HS6ST3: variants seen among roughly 807,000 people sequenced by gnomAD.
The protein encoded by HS6ST3 is heparan sulfate 6-O-sulfotransferase 3, also known as heparan-sulfate 6-O-sulfotransferase 3.
Under a neutral mutation model 36.7 loss-of-function variants are expected in HS6ST3, and 12 were observed. The observed-to-expected ratio is 0.33, with a 90% CI of 0.21 to 0.53. The LOEUF (loss-of-function observed/expected upper bound fraction) is 0.53, where lower values mean the gene tolerates loss of function less well. Among genes scored for constraint, HS6ST3 ranks in the 20% least tolerant of loss-of-function variants. The pLI is 0.95. For synonymous variants in HS6ST3, 240 were observed against 257.5 expected (o/e 0.93, Z 0.65); for missense variants, 584 against 640.9 (o/e 0.91, Z 0.96).
At chr13:96,617,189 T>G (rs575440406) in intron 1 of HS6ST3, among the ~76,000 whole-genome samples, 3 of 152,330 alleles carry the variant, frequency 2.0e-5, no homozygotes, top group African/African-American at 7.2e-5. Flanking sequence ...AAATACAGAA[T>G]GTAAGTATTG....
Position 96,091,266 on chromosome 13 carries a change from C to A in HS6ST3, c.404C>A (p.Thr135Asn). ...PRFNFSLKDL[T>N]RFVDFNIKGR... ...TTCAACTTCAGCCTGAAGGACCTGA[C>A]CCGCTTCGTGGATTTCAACATCAAA... Residue 135 changes from threonine to asparagine, a missense_variant, in exon 1 of 2, where the codon ACC (threonine) becomes AAC (asparagine). Transcript: ENST00000376705. 2 of 1,611,012 alleles carry A rather than the reference C, an allele frequency of 1.2e-6. No homozygotes were observed. Among genetic ancestry groups the A allele is most frequent in the Non-Finnish European group, 1.7e-6 (2 of 1,178,694 alleles).
intron 1 of HS6ST3, among the ~76,000 whole-genome samples, chr13:96,757,908 A>T (rs1290429948): frequency 6.6e-6 from 1 of 152,006 alleles, no homozygotes; most frequent in African/African-American, 2.4e-5. Context: ...AAAAATATTA[A>T]TTTGAATTTT....
At chr13:96,348,365 C>T (rs993301732) in intron 1 of HS6ST3, among the ~76,000 whole-genome samples, 11 of 152,176 alleles carry the variant, frequency 7.2e-5, no homozygotes, top group African/African-American at 2.4e-4. Flanking sequence ...ATTCACATAA[C>T]ACTGAAAGCT....
At chr13:96,640,378 T>A (rs1306288214) in intron 1 of HS6ST3, among the ~76,000 whole-genome samples, 1 of 151,904 alleles carries the variant, frequency 6.6e-6, no homozygotes, top group Non-Finnish European at 1.5e-5. Context: ...TGAGAAGTGT[T>A]TGCTCATGTC....
chr13:96,475,612 C>CA (rs1251970502), intron 1 of HS6ST3, among the ~76,000 whole-genome samples: 10,433 of 91,270 alleles, frequency 0.11, 703 homozygotes, highest in East Asian at 0.23. Context: ...GGAGTACTAC[C>CA]AAAAAAAAAA....
chr13:96,250,301 G>A (rs2054602156), intron 1 of HS6ST3, among the ~76,000 whole-genome samples: 1 of 152,182 alleles, frequency 6.6e-6, no homozygotes, highest in Non-Finnish European at 1.5e-5. Flanking sequence ...CAAAGGATAT[G>A]TTTGTTTTCT....
chr13:96,204,124 A>AT (rs2054357085), intron 1 of HS6ST3, among the ~76,000 whole-genome samples: 1 of 152,202 alleles, frequency 6.6e-6, no homozygotes, highest in Admixed American at 6.5e-5. Context: ...CAAATGTCAG[A>AT]TTAATATGTG....
chr13:96,379,140 G>T (rs551382865), intron 1 of HS6ST3, among the ~76,000 whole-genome samples: 3 of 152,264 alleles, frequency 2.0e-5, no homozygotes, highest in African/African-American at 7.2e-5. Context: ...CTTGGCAACA[G>T]ACTCTTTCAC....
intron 1 of HS6ST3, among the ~76,000 whole-genome samples, chr13:96,813,317 A>G (rs1878358350): frequency 6.6e-6 from 1 of 152,156 alleles, no homozygotes; most frequent in South Asian, 2.1e-4. Context: ...CTTGGACTGA[A>G]TGGAAGGGTA....
At chr13:96,127,882 T>C (rs562613387) in intron 1 of HS6ST3, among the ~76,000 whole-genome samples, 61 of 152,282 alleles carry the variant, frequency 4.0e-4, no homozygotes, top group African/African-American at 1.5e-3. Flanking sequence ...GCTTAAATAT[T>C]AGAATGTAGA....
chr13:96,132,109 A>G (rs1350199554), intron 1 of HS6ST3, among the ~76,000 whole-genome samples: 1 of 137,838 alleles, frequency 7.3e-6, no homozygotes, highest in Admixed American at 7.7e-5. Flanking sequence ...TTCAGACTGA[A>G]TAGTATTCCA....
At chr13:96,648,479 C>T (rs486968) in intron 1 of HS6ST3, among the ~76,000 whole-genome samples, 55,816 of 96,526 alleles carry the variant, frequency 0.58, 10,601 homozygotes, top group East Asian at 0.72. Flanking sequence ...GCACTTTCCA[C>T]TTTCTTTTTT....
At chr13:96,145,950 G>T (rs528861735) in intron 1 of HS6ST3, among the ~76,000 whole-genome samples, 1 of 152,248 alleles carries the variant, frequency 6.6e-6, no homozygotes, top group East Asian at 1.9e-4. Context: ...GTTTGTCAAA[G>T]ATCAGATAGT....
chr13:96,494,126 T>G (rs2055960611), intron 1 of HS6ST3, among the ~76,000 whole-genome samples: 2 of 151,768 alleles, frequency 1.3e-5, no homozygotes, highest in South Asian at 4.2e-4. Context: ...ATGTCTTCTT[T>G]TGAGAAGTGT....
At chr13:96,765,368 G>A (rs1476221569) in intron 1 of HS6ST3, among the ~76,000 whole-genome samples, 1 of 152,008 alleles carries the variant, frequency 6.6e-6, no homozygotes, top group Non-Finnish European at 1.5e-5. Flanking sequence ...CACCGCACCC[G>A]GCCACACTTG....
chr13:96,166,256 G>T (rs2054159705), intron 1 of HS6ST3, among the ~76,000 whole-genome samples: 1 of 152,058 alleles, frequency 6.6e-6, no homozygotes, highest in African/African-American at 2.4e-5. Context: ...GGAGGTTGGT[G>T]TGGGTGAATC....
Position 96,838,513 on chromosome 13 carries a change from G to A in HS6ST3, c.*5315G>A, listed in dbSNP as rs1028782595. 3 of 152,414 alleles carry A rather than the reference G, an allele frequency of 2.0e-5. No homozygotes were observed. Among genetic ancestry groups the A allele is most frequent in the South Asian group, 2.1e-4 (1 of 4,822 alleles). The allele number at this position is 152,414 out of a possible 1,614,324, so 9.4% of individuals were successfully genotyped here. A position where few individuals can be genotyped will look rare whatever the true frequency, so the allele number is the denominator to read the frequency against. Reference sequence around the variant, plus strand: ...AGAGCAACTGCATGTCTTCAGGCTGGGTATTAGGGCTGGCTGGGTCTGATG... The same window carrying A: ...AGAGCAACTGCATGTCTTCAGGCTGAGTATTAGGGCTGGCTGGGTCTGATG... On this transcript the variant is annotated 3_prime_UTR_variant, in exon 2 of 2. Coordinates refer to ENST00000376705, the MANE Select transcript of HS6ST3 (RefSeq NM_153456.4).
chr13:96,114,859 A>G (rs775858094), intron 1 of HS6ST3, among the ~76,000 whole-genome samples: 7 of 152,252 alleles, frequency 4.6e-5, no homozygotes, highest in Non-Finnish European at 8.8e-5. Flanking sequence ...GAGCGAAGCT[A>G]TTGACACTGG....
intron 1 of HS6ST3, among the ~76,000 whole-genome samples, chr13:96,172,889 C>T (rs778636153): frequency 1.3e-5 from 2 of 152,036 alleles, no homozygotes; most frequent in Non-Finnish European, 2.9e-5. Flanking sequence ...TGCTTTTTGC[C>T]AAAGTGCCAA....
Sources: gnomAD v4.1 joint callset for allele counts (sites outside exome capture counted in the v4.1 genomes callset) on GRCh38, gnomAD v4.1.1 for gene constraint, MANE v1.5 for transcripts, NCBI Gene and HGNC (gene_info 2026-07-23, HGNC 2026-07-21) for gene names.